DNAH6: variants seen among roughly 807,000 people sequenced by gnomAD.
The protein encoded by DNAH6 is axonemal beta dynein heavy chain 6.
In DNAH6, 340 loss-of-function variants were observed where a neutral mutation model predicts 491.4. The ratio of observed to expected loss-of-function variants is 0.69; its 90% CI spans 0.63 to 0.76. DNAH6 has a LOEUF of 0.76. Among genes scored for constraint, DNAH6 ranks in the 30% least tolerant of loss-of-function variants. DNAH6 has a pLI of 0.00. For missense variants in DNAH6, 4,443 were observed against 4,972.2 expected (o/e 0.89, Z 3.20); for synonymous variants, 1,603 against 1,686.1 (o/e 0.95, Z 1.21).
chr2:84,483,749 G>A, the DNAH6 span, among the ~76,000 whole-genome samples: 2 of 152,282 alleles, frequency 1.3e-5, no homozygotes, highest in Admixed American at 1.3e-4. Context: ...GCCTAATGGT[G>A]ACATTTCCAG....
chr2:84,537,503 T>TA (rs1369747610), intron 4 of DNAH6, among the ~76,000 whole-genome samples: 2 of 152,042 alleles, frequency 1.3e-5, no homozygotes, highest in East Asian at 3.9e-4. Flanking sequence ...AGGTGGCTAT[T>TA]AGACTGCTGC....
intron 63 of DNAH6, chr2:84,750,901 C>G (rs1351364302): frequency 1.3e-5 from 2 of 152,138 alleles, no homozygotes; most frequent in Non-Finnish European, 2.9e-5. Context: ...GTTATGATAC[C>G]AAACAGTTGG....
At chr2:84,701,007 G>C in intron 48 of DNAH6, 90 bp from the exon 49 acceptor site, 2 of 1,415,990 alleles carry the variant, frequency 1.4e-6, no homozygotes, top group South Asian at 2.8e-5. Flanking sequence ...GGGCAGGGAG[G>C]AGTTCCCGAG....
chr2:84,526,163 A>T (rs185058712), intron 3 of DNAH6, among the ~76,000 whole-genome samples: 1 of 152,262 alleles, frequency 6.6e-6, no homozygotes, highest in Non-Finnish European at 1.5e-5. Context: ...AGGCATAAAG[A>T]AATGGTAGCT....
At chr2:84,561,157 C>T (rs568346057) in intron 11 of DNAH6, among the ~76,000 whole-genome samples, 42 of 152,248 alleles carry the variant, frequency 2.8e-4, no homozygotes, top group Admixed American at 7.2e-4. Context: ...GCCATTCTAA[C>T]CAAAACAGCA....
intron 46 of DNAH6, among the ~76,000 whole-genome samples, chr2:84,697,224 A>G (rs1357513766): frequency 6.6e-6 from 1 of 152,236 alleles, no homozygotes; most frequent in Admixed American, 6.5e-5. Flanking sequence ...ATGGTGCATC[A>G]GCTCAATGGT....
At chr2:84,645,601 G>A (rs1032213474) in intron 33 of DNAH6, among the ~76,000 whole-genome samples, 2 of 152,008 alleles carry the variant, frequency 1.3e-5, no homozygotes, top group African/African-American at 4.8e-5. Context: ...TTTTTAATGG[G>A]GCTGTTTGTT....
chr2:84,734,367 C>T (rs1372512815), intron 62 of DNAH6, among the ~76,000 whole-genome samples: 2 of 151,970 alleles, frequency 1.3e-5, no homozygotes, highest in East Asian at 3.9e-4. Context: ...GTCTCGATCT[C>T]CTGACCTCAT....
At chr2:84,765,670 A>T (rs1675009960) in intron 64 of DNAH6, among the ~76,000 whole-genome samples, 1 of 152,094 alleles carries the variant, frequency 6.6e-6, no homozygotes, top group South Asian at 2.1e-4. Context: ...AATAAAGAAA[A>T]TCAAAAATGA....
At chr2:84,535,223 T>C (rs550628844) in intron 4 of DNAH6, among the ~76,000 whole-genome samples, 1 of 152,118 alleles carries the variant, frequency 6.6e-6, no homozygotes, top group African/African-American at 2.4e-5. Context: ...GACATTTATT[T>C]ATCTTTTTGC....
chr2:84,722,860 T>A, intron 60 of DNAH6, 56 bp downstream of exon 60: 1 of 1,038,970 alleles, frequency 9.6e-7, no homozygotes, highest in Non-Finnish European at 1.3e-6. Context: ...ATTACACCTG[T>A]TGAATTACTT....
the DNAH6 span, among the ~76,000 whole-genome samples, chr2:84,471,873 A>G: frequency 1.3e-5 from 2 of 152,220 alleles, no homozygotes; most frequent in African/African-American, 4.8e-5. Flanking sequence ...GGCTTCTCAA[A>G]CCTTCAATTC....
At chr2:84,543,536 A>C (rs1678468350) in intron 4 of DNAH6, among the ~76,000 whole-genome samples, 1 of 152,158 alleles carries the variant, frequency 6.6e-6, no homozygotes, top group South Asian at 2.1e-4. Flanking sequence ...AATTACAGAG[A>C]ATATCGTTTT....
chr2:84,553,075 T>C, intron 10 of DNAH6, 41 bp downstream of exon 10: 1 of 1,233,808 alleles, frequency 8.1e-7, no homozygotes, highest in East Asian at 2.5e-5. Flanking sequence ...AAGCACCTAT[T>C]TGGAAAATGA....
chr2:84,710,857 A>T (rs140422619), intron 56 of DNAH6, among the ~76,000 whole-genome samples: 73 of 152,238 alleles, frequency 4.8e-4, no homozygotes, highest in Middle Eastern at 3.4e-3. Flanking sequence ...TTGTTAAAAA[A>T]AAAAAAAGAA....
chr2:84,667,363 A>G (rs548191117), intron 37 of DNAH6, among the ~76,000 whole-genome samples: 9 of 152,324 alleles, frequency 5.9e-5, no homozygotes, highest in Non-Finnish European at 1.2e-4. Context: ...ACAAAGGGCT[A>G]ATATCCAGAA....
chr2:84,621,682 C>T (rs190445380), intron 26 of DNAH6, 131 bp downstream of exon 26: 41 of 530,884 alleles, frequency 7.7e-5, no homozygotes, highest in Non-Finnish European at 1.3e-4. Context: ...ATAGCTCTTA[C>T]AAAGCTTTAC....
intron 47 of DNAH6, 152 bp downstream of exon 47, chr2:84,697,879 T>A: frequency 1.2e-6 from 1 of 828,376 alleles, no homozygotes; most frequent in Non-Finnish European, 1.9e-6. Flanking sequence ...TTATTTTCGG[T>A]GTTTAAAGCA....
At chr2:84,678,668 G>A (rs1693489721) in intron 41 of DNAH6, among the ~76,000 whole-genome samples, 1 of 152,072 alleles carries the variant, frequency 6.6e-6, no homozygotes, top group Non-Finnish European at 1.5e-5. Flanking sequence ...CCTCCTGTGG[G>A]ATTATCATGT....
Sources: allele counts gnomAD v4.1 joint callset (sites outside exome capture counted in the v4.1 genomes callset), GRCh38; gene constraint gnomAD v4.1.1; transcripts MANE v1.5; gene names NCBI Gene and HGNC (gene_info 2026-07-23, HGNC 2026-07-21).